The following PTPRN2 variants were observed in gnomAD, a reference collection of about 807,000 sequenced individuals.
PTPRN2 encodes the protein protein tyrosine phosphatase receptor type N2.
In PTPRN2, 74 loss-of-function variants were observed where a neutral mutation model predicts 118.8. That is an observed-to-expected ratio of 0.62 (90% CI 0.52 to 0.76). PTPRN2 has a LOEUF of 0.76. Ranked by LOEUF, PTPRN2 falls within the 30% of genes least tolerant of loss-of-function variation. The pLI, the probability that PTPRN2 is intolerant of heterozygous loss-of-function variation, is 0.00. For synonymous variants in PTPRN2, 641 were observed against 608.0 expected (o/e 1.05, Z -0.80); for missense variants, 1,481 against 1,394.4 (o/e 1.06, Z -0.99).
Position 158,150,511 on chromosome 7 carries a change from C to T in PTPRN2, c.911-11996G>A, listed in dbSNP as rs538503597. Among the ~76,000 whole-genome samples the T allele has an allele frequency of 8.5e-5, 13 of 152,272 alleles. No homozygotes were observed. In the South Asian group the frequency reaches 2.5e-3, roughly 29 times the overall value. On this transcript the variant is annotated intron_variant, in intron 6 of 22. Coordinates refer to ENST00000389418, the MANE Select transcript of PTPRN2 (RefSeq NM_002847.5). ...GCACTGACCTTCACTGCAAAGCTAA[C>T]CCAGGTGAGTCCCAGTATTCACCAG...
chr7:157,696,246 G>A (rs1753643619), intron 12 of PTPRN2, among the ~76,000 whole-genome samples: 1 of 138,234 alleles, frequency 7.2e-6, no homozygotes, highest in Admixed American at 7.0e-5. Context: ...ATGCATACTG[G>A]ATCTTAGTAG....
chr7:157,806,458 A>G (rs1805638207), intron 12 of PTPRN2, among the ~76,000 whole-genome samples: 2 of 152,152 alleles, frequency 1.3e-5, no homozygotes, highest in Non-Finnish European at 2.9e-5. Context: ...ATGTGTGCAT[A>G]TGTGTCTATA....
chr7:158,013,914 A>G (rs571402321), intron 11 of PTPRN2, among the ~76,000 whole-genome samples: 45 of 53,022 alleles, frequency 8.5e-4, no homozygotes, highest in African/African-American at 3.1e-3. Context: ...CCATCCATCT[A>G]TCCCTCTATC....
intron 12 of PTPRN2, among the ~76,000 whole-genome samples, chr7:157,762,691 A>G (rs1257938141): frequency 1.3e-5 from 2 of 151,894 alleles, no homozygotes; most frequent in South Asian, 2.1e-4. Context: ...ACATGTATAC[A>G]TATGTAACTA....
chr7:158,411,268 C>T (rs1319495892), intron 2 of PTPRN2, among the ~76,000 whole-genome samples: 2 of 152,186 alleles, frequency 1.3e-5, no homozygotes, highest in African/African-American at 4.8e-5. Flanking sequence ...TTCTCCCTTC[C>T]CCACGTAAAG....
At chr7:157,688,676 G>A (rs1436042944) in intron 12 of PTPRN2, among the ~76,000 whole-genome samples, 1 of 152,194 alleles carries the variant, frequency 6.6e-6, no homozygotes, top group Non-Finnish European at 1.5e-5. Flanking sequence ...AGGACTGGGG[G>A]GGTTACCGCT....
rs368034737 is a variant in PTPRN2 at position 158,526,024 on chromosome 7, C to G, written c.113-36239G>C. Among the ~76,000 whole-genome samples, 26 of 152,378 alleles carry G rather than the reference C, an allele frequency of 1.7e-4. No individual in the cohort carries two copies. The East Asian group carries it at 1.9e-3, about 11-fold the overall frequency. On this transcript the variant is annotated intron_variant, in intron 1 of 22. Transcript: ENST00000389418. This position sits in a 1 kb window ranked among gnomAD's most constrained non-coding sequence, Gnocchi z 5.2. ...GCAGACCTGCAGCCCAGCCCCTACT[C>G]TCCCCTCTGGCTGGCATTGTGCAGT... is the stretch of plus-strand genomic sequence containing the variant.
chr7:158,305,236 T>C (rs1801194979), intron 3 of PTPRN2, among the ~76,000 whole-genome samples: 1 of 152,164 alleles, frequency 6.6e-6, no homozygotes, highest in Admixed American at 6.5e-5. Flanking sequence ...GACTTAGAAT[T>C]TTATTTTTGG....
chr7:158,080,759 A>G (rs981160724), intron 11 of PTPRN2, among the ~76,000 whole-genome samples: 12 of 152,210 alleles, frequency 7.9e-5, no homozygotes, highest in South Asian at 2.1e-4. Flanking sequence ...GTGATTCGCA[A>G]TGCCCAGAAC....
chr7:158,493,106 T>G (rs923416790), intron 1 of PTPRN2, among the ~76,000 whole-genome samples: 6 of 152,342 alleles, frequency 3.9e-5, no homozygotes, highest in African/African-American at 1.2e-4. Flanking sequence ...AATTCTCAAA[T>G]TGCTCCTCTG....
At chr7:157,930,733 C>A (rs1799305404) in intron 11 of PTPRN2, among the ~76,000 whole-genome samples, 2 of 152,244 alleles carry the variant, frequency 1.3e-5, no homozygotes, top group African/African-American at 4.8e-5. Context: ...GGGGCACCAG[C>A]CCCACAGGTG....
intron 12 of PTPRN2, among the ~76,000 whole-genome samples, chr7:157,888,721 C>T (rs1233055823): frequency 6.6e-6 from 1 of 152,236 alleles, no homozygotes; most frequent in Non-Finnish European, 1.5e-5. Context: ...GCGTTTCCCA[C>T]AGCAACCACG....
At chr7:157,909,554 G>A (rs970636222) in intron 11 of PTPRN2, among the ~76,000 whole-genome samples, 3 of 152,146 alleles carry the variant, frequency 2.0e-5, no homozygotes, top group Non-Finnish European at 2.9e-5. Flanking sequence ...CAGCCCCCTC[G>A]CCCCTGCTCA....
chr7:158,271,853 C>T (rs973442565), intron 3 of PTPRN2, among the ~76,000 whole-genome samples: 2 of 152,154 alleles, frequency 1.3e-5, no homozygotes, highest in African/African-American at 4.8e-5. Flanking sequence ...TCCTCAGGGC[C>T]TCAGCGCCTT....
chr7:158,068,935 A>G (rs1163762241), intron 11 of PTPRN2, among the ~76,000 whole-genome samples: 1 of 152,228 alleles, frequency 6.6e-6, no homozygotes, highest in Non-Finnish European at 1.5e-5. Context: ...AATCAGTGCT[A>G]AAATATCAAC....
chr7:158,218,566 G>A (rs568753776), intron 3 of PTPRN2, among the ~76,000 whole-genome samples: 2 of 152,168 alleles, frequency 1.3e-5, no homozygotes, highest in East Asian at 3.9e-4. Context: ...CAAATGACAG[G>A]ATTAAATCCT....
At chr7:158,477,174 G>A (rs1382966149) in intron 2 of PTPRN2, among the ~76,000 whole-genome samples, 2 of 152,208 alleles carry the variant, frequency 1.3e-5, no homozygotes, top group African/African-American at 4.8e-5. Context: ...GCCCCTCTGA[G>A]AGGATGAAGG....
chr7:158,111,800 T>C (rs1816301883), intron 9 of PTPRN2, among the ~76,000 whole-genome samples: 1 of 151,830 alleles, frequency 6.6e-6, no homozygotes, highest in Non-Finnish European at 1.5e-5. Context: ...CTATGATGGG[T>C]TGAATTATGT....
At chr7:158,052,258 G>A (rs1248742647) in intron 11 of PTPRN2, among the ~76,000 whole-genome samples, 1 of 152,220 alleles carries the variant, frequency 6.6e-6, no homozygotes, top group Non-Finnish European at 1.5e-5. Context: ...GATCGCCTTT[G>A]ATGTTCTATT....
Sources: allele counts gnomAD v4.1 joint callset (sites outside exome capture counted in the v4.1 genomes callset), GRCh38; gene constraint gnomAD v4.1.1; non-coding constraint Gnocchi (gnomAD v3.1); transcripts MANE v1.5; gene names NCBI Gene and HGNC (gene_info 2026-07-23, HGNC 2026-07-21).